Variants in GNG2 observed in about 807,000 individuals in gnomAD.
GNG2 encodes the protein guanine nucleotide-binding protein G(I)/G(S)/G(O) subunit gamma-2.
In GNG2, 5 loss-of-function variants were observed where a neutral mutation model predicts 5.5. The ratio of observed to expected loss-of-function variants is 0.91; its 90% CI spans 0.48 to 1.92. GNG2 has a LOEUF of 1.92. Ranked by LOEUF, GNG2 falls within the 30% of genes most tolerant of loss-of-function variation. The pLI is 0.01. For missense variants in GNG2, 55 were observed against 88.4 expected, an observed-to-expected ratio of 0.62 and a Z score of 1.52; for synonymous variants, 28 against 32.0, an observed-to-expected ratio of 0.88 and a Z score of 0.42.
At chr14:51,954,662 G>C (rs528462963) in intron 3 of GNG2, among the ~76,000 whole-genome samples, 4 of 152,162 alleles carry the variant, frequency 2.6e-5, no homozygotes, top group Non-Finnish European at 5.9e-5. Flanking sequence ...AGGCCATTGA[G>C]AACTGCGAGT....
intron 2 of GNG2, among the ~76,000 whole-genome samples, chr14:51,901,506 C>A (rs1566674695): frequency 6.6e-6 from 1 of 152,082 alleles, no homozygotes; most frequent in Non-Finnish European, 1.5e-5. Context: ...GAAAGTATCT[C>A]TTTATTGAGA....
At chr14:51,888,317 TTTGTTG>T (rs543682315) in intron 2 of GNG2, among the ~76,000 whole-genome samples, 125 of 152,186 alleles carry the variant, frequency 8.2e-4, no homozygotes, top group Middle Eastern at 3.4e-3. Flanking sequence ...TTTGTTTGTT[TTTGTTG>T]TTGTTGTTGT....
chr14:51,953,895 C>T (rs1889126140), intron 3 of GNG2, among the ~76,000 whole-genome samples: 1 of 152,128 alleles, frequency 6.6e-6, no homozygotes, highest in South Asian at 2.1e-4. Flanking sequence ...AGAGTAGTGA[C>T]CTCTTCAAGC....
At chr14:51,939,802 A>G (rs979559228) in intron 2 of GNG2, 3 of 152,198 alleles carry the variant, frequency 2.0e-5, no homozygotes, top group African/African-American at 7.2e-5. Context: ...GCTGTTATGT[A>G]TGTGAAAACG....
chr14:51,878,958 A>C (rs1478089393), intron 2 of GNG2, among the ~76,000 whole-genome samples: 1 of 152,288 alleles, frequency 6.6e-6, no homozygotes, highest in Admixed American at 6.5e-5. Flanking sequence ...AGAGTTTGTC[A>C]ATGGGGTTTG....
rs527430403 is a variant in GNG2 at position 51,834,354 on chromosome 14, C to T, written c.64+6547C>T. On this transcript the variant is annotated intron_variant, in intron 2 of 3. Coordinates refer to the GNG2 transcript ENST00000553432. ...AGCACTGTGATGGCTTCCATCCCTG[C>T]ACTTGCCTGGCTTCTGCCTGCCACG... Among the ~76,000 whole-genome samples the T allele has an allele frequency of 4.6e-5, 7 of 152,354 alleles. No homozygotes were observed. The South Asian group carries it at 1.2e-3, about 27-fold the overall frequency.
intron 3 of GNG2, among the ~76,000 whole-genome samples, chr14:51,956,943 G>GT (rs1271030162): frequency 2.0e-5 from 3 of 151,988 alleles, no homozygotes; most frequent in Non-Finnish European, 4.4e-5. Context: ...TAATTCTCCT[G>GT]TTTTTTTGGA....
At chr14:51,893,073 T>C (rs1267864883) in intron 2 of GNG2, among the ~76,000 whole-genome samples, 14 of 152,202 alleles carry the variant, frequency 9.2e-5, no homozygotes, top group Non-Finnish European at 2.1e-4. Flanking sequence ...TTGGTTGTGG[T>C]TGTGTTTCTT....
intron 3 of GNG2, among the ~76,000 whole-genome samples, chr14:51,960,766 A>G (rs1214463225): frequency 6.6e-6 from 1 of 152,198 alleles, no homozygotes; most frequent in African/African-American, 2.4e-5. Context: ...ATGTGGCATC[A>G]CTAATGAAGT....
intron 2 of GNG2, among the ~76,000 whole-genome samples, chr14:51,926,413 G>A (rs1157814387): frequency 1.3e-5 from 2 of 152,200 alleles, no homozygotes; most frequent in Non-Finnish European, 2.9e-5. Context: ...AAAAAACAAA[G>A]AGTTTATATC....
chr14:51,937,258 A>C (rs74051329), intron 2 of GNG2, among the ~76,000 whole-genome samples: 5,231 of 152,330 alleles, frequency 0.034, 286 homozygotes, highest in African/African-American at 0.12. Flanking sequence ...TAGCCTTAAA[A>C]GATGGAAAAT....
chr14:51,874,438 A>AC (rs1447293847), intron 1 of GNG2, among the ~76,000 whole-genome samples: 6 of 151,250 alleles, frequency 4.0e-5, no homozygotes, highest in African/African-American at 1.5e-4. Flanking sequence ...AAAAAAAAAA[A>AC]AAAACAGTCT....
At chr14:51,917,435 G>A (rs778178755) in intron 2 of GNG2, 25 of 456,064 alleles carry the variant, frequency 5.5e-5, no homozygotes, top group Non-Finnish European at 7.5e-5. Context: ...TAATCTTCCT[G>A]TGAGACGTAG....
At chr14:51,898,662 C>T (rs1429022493) in intron 2 of GNG2, among the ~76,000 whole-genome samples, 3 of 152,306 alleles carry the variant, frequency 2.0e-5, no homozygotes, top group South Asian at 2.1e-4. Flanking sequence ...GTGCACTGAA[C>T]GCAAATGTGC....
At chr14:51,922,319 GAGA>G (rs1336507654) in intron 2 of GNG2, among the ~76,000 whole-genome samples, 3 of 152,332 alleles carry the variant, frequency 2.0e-5, no homozygotes, top group Non-Finnish European at 2.9e-5. Context: ...AAAGGAAAAG[GAGA>G]AGAAGAAGAC....
At chr14:51,861,037 T>A (rs1882441597) in intron 1 of GNG2, among the ~76,000 whole-genome samples, 1 of 152,146 alleles carries the variant, frequency 6.6e-6, no homozygotes, top group African/African-American at 2.4e-5. Context: ...AAGAAGCTGT[T>A]TGTATAGTTC....
chr14:51,939,229 C>T (rs913905741), intron 2 of GNG2, among the ~76,000 whole-genome samples: 1 of 152,174 alleles, frequency 6.6e-6, no homozygotes, highest in African/African-American at 2.4e-5. Flanking sequence ...GTTTCCTTAT[C>T]CAAGTCTCAG....
intron 2 of GNG2, among the ~76,000 whole-genome samples, chr14:51,950,392 A>G (rs1382138603): frequency 6.6e-6 from 1 of 152,196 alleles, no homozygotes; most frequent in African/African-American, 2.4e-5. Flanking sequence ...CCACTGGGAG[A>G]ACATTTGGTA....
chr14:51,842,824 C>A (rs950993121), intron 2 of GNG2, among the ~76,000 whole-genome samples: 2 of 152,064 alleles, frequency 1.3e-5, no homozygotes, highest in Admixed American at 1.3e-4. Context: ...ACCACCACAC[C>A]CAGCTAATTT....
Sources: allele counts gnomAD v4.1 joint callset (sites outside exome capture counted in the v4.1 genomes callset), GRCh38; gene constraint gnomAD v4.1.1; transcripts MANE v1.5; gene names NCBI Gene and HGNC (gene_info 2026-07-23, HGNC 2026-07-21).